The following TBL1XR1 variants were observed in gnomAD, a reference collection of about 807,000 sequenced individuals.
TBL1XR1 encodes the protein TBL1X/Y related 1, also known as F-box-like/WD repeat-containing protein TBL1XR1.
Under a neutral mutation model 66.9 loss-of-function variants are expected in TBL1XR1, and 5 were observed. That is an observed-to-expected ratio of 0.07 (90% confidence interval 0.04 to 0.16). The LOEUF (loss-of-function observed/expected upper bound fraction) is 0.16. Among genes scored for constraint, TBL1XR1 ranks in the 10% least tolerant of loss-of-function variants. The pLI is 1.00. For missense variants in TBL1XR1, 238 were observed against 623.2 expected (o/e 0.38, Z 6.58); for synonymous variants, 210 against 206.0 (o/e 1.02, Z -0.17).
At position 177,173,044 on chromosome 3, in the gene TBL1XR1, G is replaced by A. The variant is rs532856407; in HGVS notation, c.-122+24077C>T. Among the ~76,000 whole-genome samples, 32 of 152,028 alleles carry A rather than the reference G, an allele frequency of 2.1e-4. No homozygotes were observed. In the South Asian group the frequency reaches 4.8e-3, roughly 23 times the overall value. On this transcript the variant is annotated intron_variant, in intron 1 of 15. Transcript: ENST00000457928. ...ACAAACAAAAAATACAAAATTAGCCGGGCGTGGTGATGCATGCCTGTAATC... is the reference window on the plus strand; with the variant it reads ...ACAAACAAAAAATACAAAATTAGCCAGGCGTGGTGATGCATGCCTGTAATC...
chr3:177,167,960 A>G (rs1009110963), intron 1 of TBL1XR1, among the ~76,000 whole-genome samples: 2 of 152,158 alleles, frequency 1.3e-5, no homozygotes, highest in Non-Finnish European at 2.9e-5. Context: ...GTATCTTAAA[A>G]AAGTGTTGTT....
chr3:177,194,775 T>C (rs1348338769), intron 1 of TBL1XR1, among the ~76,000 whole-genome samples: 2 of 152,182 alleles, frequency 1.3e-5, no homozygotes, highest in Admixed American at 6.5e-5. Flanking sequence ...GTCATGGTAA[T>C]CATGCAAAAC....
rs56920899 is a variant in TBL1XR1 at position 177,135,379 on chromosome 3, A to ATATG, written c.-121-36842_-121-36839dup. On this transcript the variant is annotated intron_variant, in intron 1 of 15. Coordinates refer to ENST00000457928, the MANE Select transcript of TBL1XR1 (RefSeq NM_024665.7). ...TATATATATATATATATATATATAT[A>ATATG]TATGTATGTATTTTTTTTTTAAGAG... 1.3e-3 allele frequency among the ~76,000 whole-genome samples: 33 copies of ATATG among 26,360 alleles called. No individual in the cohort carries two copies. In the South Asian group the frequency reaches 0.022, roughly 18 times the overall value. The allele number at this position is 26,360 out of a possible 152,430, so 17.3% of individuals were successfully genotyped here. A position where few individuals can be genotyped will look rare whatever the true frequency, so the allele number is the denominator to read the frequency against.
At chr3:177,070,190 T>G (rs558302333) in intron 2 of TBL1XR1, among the ~76,000 whole-genome samples, 1 of 152,326 alleles carries the variant, frequency 6.6e-6, no homozygotes, top group East Asian at 1.9e-4. Context: ...CCAAGAGTCA[T>G]TAGCTACAAA....
At chr3:177,146,238 C>T (rs558171696) in intron 1 of TBL1XR1, among the ~76,000 whole-genome samples, 2 of 152,146 alleles carry the variant, frequency 1.3e-5, no homozygotes, top group African/African-American at 4.8e-5. Flanking sequence ...AGCAGTACAT[C>T]TTCACTATAC....
rs920378500 is a variant in TBL1XR1, at chr3:177,020,072, G to T, written c.*5426C>A. On this transcript the variant is annotated 3_prime_UTR_variant, in exon 16 of 16. Coordinates refer to ENST00000457928, the MANE Select transcript of TBL1XR1 (RefSeq NM_024665.7). ...AGTTGGTATTAATTAAAACTAGAAGGTGTCTAGTTGTTTTTCTTATAAAGT... is the reference window on the plus strand; with the variant it reads ...AGTTGGTATTAATTAAAACTAGAAGTTGTCTAGTTGTTTTTCTTATAAAGT... 6.6e-6 allele frequency: 1 copy of T among 151,090 alleles called. No homozygotes were observed. Among genetic ancestry groups the T allele is most frequent in the Non-Finnish European group, 1.5e-5 (1 of 67,774 alleles). The allele number at this position is 151,090 out of a possible 1,614,324, so 9.4% of individuals were successfully genotyped here.
At chr3:177,053,304 G>C (rs1004303686) in intron 4 of TBL1XR1, among the ~76,000 whole-genome samples, 1 of 152,096 alleles carries the variant, frequency 6.6e-6, no homozygotes, top group Non-Finnish European at 1.5e-5. Flanking sequence ...AAACTTTATT[G>C]AGAAAAACAG....
At position 177,051,575 on chromosome 3, in the gene TBL1XR1, C is replaced by T. The variant is rs756214140; in HGVS notation, c.356G>A (p.Ser119Asn). ...AAAAAAAAAA[S>N]QQGSAKNGEN... is the part of the protein sequence containing the mutation. ...TCCATTTTTTGCAGATCCTTGTTGG[C>T]TGGCTGCAGCTGCGGCAGCTGCAGC... Residue 119 changes from serine (S) to asparagine (N), a missense_variant, in exon 5 of 16, where the codon AGC (serine) becomes AAC (asparagine). Around this residue, in one of 8 missense-constraint regions of TBL1XR1, gnomAD observed 80 missense variants for 100.5 expected, o/e 0.80. Transcript: ENST00000457928. The T allele has an allele frequency of 1.1e-5, 18 of 1,613,686 alleles. No homozygotes were observed. Among genetic ancestry groups the T allele is most frequent in the Non-Finnish European group, 1.5e-5 (18 of 1,179,758 alleles).
chr3:177,037,740 A>G (rs769579255), intron 12 of TBL1XR1: 9 of 182,772 alleles, frequency 4.9e-5, no homozygotes, highest in Non-Finnish European at 1.0e-4. Context: ...AGCCTCTATA[A>G]TCACGTGAGT....
At chr3:177,031,377 C>T (rs997495674) in intron 14 of TBL1XR1, among the ~76,000 whole-genome samples, 6 of 150,426 alleles carry the variant, frequency 4.0e-5, no homozygotes, top group African/African-American at 1.5e-4. Context: ...CTCTGTTGCC[C>T]GGGCTGGAGT....
chr3:177,168,033 G>C (rs1012755888), intron 1 of TBL1XR1, among the ~76,000 whole-genome samples: 1 of 152,020 alleles, frequency 6.6e-6, no homozygotes, highest in African/African-American at 2.4e-5. Context: ...ATAATAAATG[G>C]GAAACAACCA....
Position 177,053,756 on chromosome 3 carries a change from A to C in TBL1XR1, c.204+17T>G. 6.2e-7 allele frequency: 1 copy of C among 1,606,498 alleles called. No homozygotes were observed. The highest frequency in any genetic ancestry group is 2.2e-5 in the East Asian group (1 of 44,776). On this transcript the variant is annotated intron_variant, in intron 4 of 15. Coordinates refer to ENST00000457928, the MANE Select transcript of TBL1XR1 (RefSeq NM_024665.7). ...TTAAGATGAAAAAAATCAGTATTTG[A>C]AATAAGTCTTCCTTACCTCATTAAT...
intron 1 of TBL1XR1, among the ~76,000 whole-genome samples, chr3:177,171,957 G>A (rs1156440250): frequency 6.6e-6 from 1 of 151,994 alleles, no homozygotes; most frequent in Non-Finnish European, 1.5e-5. Flanking sequence ...TCAAGTAGTG[G>A]TAACATTAAA....
intron 2 of TBL1XR1, among the ~76,000 whole-genome samples, chr3:177,069,910 C>T (rs10936930): frequency 0.43 from 65,898 of 151,754 alleles, 14,530 homozygotes; most frequent in East Asian, 0.58. Flanking sequence ...TAGTATCAAA[C>T]TGGTTTCAAC....
At chr3:177,162,180 A>G (rs959487841) in intron 1 of TBL1XR1, among the ~76,000 whole-genome samples, 6 of 152,232 alleles carry the variant, frequency 3.9e-5, no homozygotes, top group Non-Finnish European at 5.9e-5. Flanking sequence ...AAAACGCCAC[A>G]TATCTGTCCA....
At chr3:177,073,809 C>A (rs975298860) in intron 2 of TBL1XR1, among the ~76,000 whole-genome samples, 18 of 152,210 alleles carry the variant, frequency 1.2e-4, no homozygotes, top group Admixed American at 8.5e-4. Flanking sequence ...GCTCCCGCAA[C>A]ACACTGTCTT....
chr3:177,070,568 G>A (rs553581478), intron 2 of TBL1XR1, among the ~76,000 whole-genome samples: 1 of 152,168 alleles, frequency 6.6e-6, no homozygotes, highest in Non-Finnish European at 1.5e-5. Context: ...ATAAAAATTG[G>A]CCAGGTGCGG....
intron 2 of TBL1XR1, chr3:177,079,923 G>C (rs1014436595): frequency 1.3e-5 from 2 of 152,008 alleles, no homozygotes; most frequent in African/African-American, 4.8e-5. Flanking sequence ...CTCTGTTCTA[G>C]TCCAAGGCCT....
Position 177,046,115 on chromosome 3 carries a change from T to A in TBL1XR1, c.925+14A>T. ...AGCAAGCTCCAGCTTTCACGTAAAT[T>A]ATAAGAAATTTACCTGAATGAAAAG... On this transcript the variant is annotated intron_variant, in intron 10 of 15. Transcript: ENST00000457928. The A allele has an allele frequency of 6.5e-7, 1 of 1,527,468 alleles. No individual in the cohort carries two copies. The allele number at this position is 1,527,468 out of a possible 1,614,324, so 94.6% of individuals were successfully genotyped here. A position where few individuals can be genotyped will look rare whatever the true frequency, so the allele number is the denominator to read the frequency against.
Sources: gnomAD v4.1 joint callset for allele counts (sites outside exome capture counted in the v4.1 genomes callset) on GRCh38, gnomAD v4.1.1 for gene constraint, gnomAD v4.1.1 regional missense constraint, MANE v1.5 for transcripts, NCBI Gene and HGNC (gene_info 2026-07-23, HGNC 2026-07-21) for gene names.